NPAS3: variants seen among roughly 807,000 people sequenced by gnomAD.
NPAS3 encodes the protein neuronal PAS domain-containing protein 3.
NPAS3 carries 14 observed loss-of-function variants against 73.1 expected under a neutral mutation model. The observed-to-expected ratio is 0.19, with a 90% confidence interval of 0.13 to 0.30. The LOEUF (loss-of-function observed/expected upper bound fraction) is 0.30, where lower values mean the gene tolerates loss of function less well. Among genes scored for constraint, NPAS3 ranks in the 10% least tolerant of loss-of-function variants. The pLI is 1.00. For missense variants in NPAS3, 1,096 were observed against 1,250.0 expected (o/e 0.88, Z 1.86); for synonymous variants, 620 against 541.5 (o/e 1.14, Z -2.01).
intron 2 of NPAS3, among the ~76,000 whole-genome samples, chr14:33,194,191 T>A (rs979470292): frequency 1.3e-5 from 2 of 152,222 alleles, no homozygotes; most frequent in African/African-American, 4.8e-5. Context: ...CTATTTCCTG[T>A]AAGTTAACCA....
chr14:33,457,049 C>T (rs1442214651), intron 4 of NPAS3, among the ~76,000 whole-genome samples: 2 of 152,202 alleles, frequency 1.3e-5, no homozygotes, highest in African/African-American at 4.8e-5. Flanking sequence ...GATGCCTTCC[C>T]TGGCTGTGTC....
intron 4 of NPAS3, among the ~76,000 whole-genome samples, chr14:33,549,799 A>G (rs1475215487): frequency 1.3e-5 from 2 of 151,910 alleles, no homozygotes; most frequent in Non-Finnish European, 2.9e-5. Flanking sequence ...CTTCATTCCC[A>G]TGATTCCTGT....
chr14:33,519,536 G>A (rs2053464092), intron 4 of NPAS3, among the ~76,000 whole-genome samples: 1 of 152,080 alleles, frequency 6.6e-6, no homozygotes, highest in Non-Finnish European at 1.5e-5. Flanking sequence ...GCCAAATCAG[G>A]GTTTGCTGCG....
chr14:33,000,162 G>GTTTTATTTTTAT (rs77320106), intron 1 of NPAS3, among the ~76,000 whole-genome samples: 5 of 151,278 alleles, frequency 3.3e-5, no homozygotes, highest in African/African-American at 7.4e-5. Flanking sequence ...TAAATAAAAT[G>GTTTTATTTTTAT]TTTTATTTTT....
chr14:33,581,289 T>G (rs796442004), intron 5 of NPAS3, among the ~76,000 whole-genome samples: 1 of 152,176 alleles, frequency 6.6e-6, no homozygotes, highest in South Asian at 2.1e-4. Context: ...TTTAGAAAAG[T>G]AAAAATTTGT....
intron 6 of NPAS3, among the ~76,000 whole-genome samples, chr14:33,726,915 G>C (rs2061283307): frequency 6.6e-6 from 1 of 152,166 alleles, no homozygotes; most frequent in Non-Finnish European, 1.5e-5. Flanking sequence ...TGCACGTGGA[G>C]AGTGACACTT....
intron 3 of NPAS3, among the ~76,000 whole-genome samples, chr14:33,252,587 C>G (rs552500098): frequency 6.6e-6 from 1 of 151,744 alleles, no homozygotes; most frequent in South Asian, 2.1e-4. Context: ...CAATCTTCAC[C>G]TTACTTTTCA....
At chr14:33,028,493 C>A (rs2039882281) in intron 1 of NPAS3, among the ~76,000 whole-genome samples, 1 of 152,214 alleles carries the variant, frequency 6.6e-6, no homozygotes, top group African/African-American at 2.4e-5. Flanking sequence ...AGACATTATT[C>A]TCCTGCTACT....
chr14:33,460,690 A>G (rs2050221369), intron 4 of NPAS3, among the ~76,000 whole-genome samples: 1 of 152,166 alleles, frequency 6.6e-6, no homozygotes, highest in Admixed American at 6.5e-5. Context: ...CTTCTACTTT[A>G]GCAATTCCTT....
intron 4 of NPAS3, among the ~76,000 whole-genome samples, chr14:33,527,630 A>C (rs1162054535): frequency 2.0e-5 from 3 of 152,176 alleles, no homozygotes; most frequent in Non-Finnish European, 2.9e-5. Flanking sequence ...GTCACATCTC[A>C]TGTGAAAATC....
chr14:33,328,497 C>T (rs199594135), intron 3 of NPAS3, among the ~76,000 whole-genome samples: 41 of 95,682 alleles, frequency 4.3e-4, no homozygotes, highest in African/African-American at 8.3e-4. Flanking sequence ...GACAGAGTCT[C>T]GCTCTGTCAC....
chr14:33,173,170 G>T (rs899176446), intron 2 of NPAS3, among the ~76,000 whole-genome samples: 2 of 152,082 alleles, frequency 1.3e-5, no homozygotes, highest in Non-Finnish European at 2.9e-5. Context: ...AAATCATTAG[G>T]TTGCATTTTA....
chr14:33,699,744 A>AT (rs202053209), intron 6 of NPAS3, among the ~76,000 whole-genome samples: 6 of 151,706 alleles, frequency 4.0e-5, no homozygotes, highest in South Asian at 2.1e-4. Context: ...AGTCAAAGAC[A>AT]TTTTTTTTTA....
chr14:33,801,195 T>C, downstream of NPAS3: 1 of 1,509,208 alleles, frequency 6.6e-7, no homozygotes, highest in Non-Finnish European at 8.8e-7. Context: ...TCTAGCACTT[T>C]GAATTCGAGC....
At chr14:33,603,119 A>ATT (rs1364816375) in intron 5 of NPAS3, among the ~76,000 whole-genome samples, 1 of 152,228 alleles carries the variant, frequency 6.6e-6, no homozygotes, top group Non-Finnish European at 1.5e-5. Flanking sequence ...ACTTGTTATT[A>ATT]TTACTACATT....
chr14:33,604,384 T>C (rs1329135175), intron 5 of NPAS3, among the ~76,000 whole-genome samples: 7 of 152,146 alleles, frequency 4.6e-5, no homozygotes, highest in Non-Finnish European at 1.5e-5. Flanking sequence ...ACAAAGTAGA[T>C]TTCAGATCAA....
At chr14:33,509,700 C>G (rs1407934335) in intron 4 of NPAS3, among the ~76,000 whole-genome samples, 2 of 151,926 alleles carry the variant, frequency 1.3e-5, no homozygotes, top group Non-Finnish European at 2.9e-5. Flanking sequence ...TCCAGTTACT[C>G]TGGTCTTCAG....
At chr14:33,745,680 T>G (rs1413503941) in intron 7 of NPAS3, among the ~76,000 whole-genome samples, 1 of 152,220 alleles carries the variant, frequency 6.6e-6, no homozygotes, top group Non-Finnish European at 1.5e-5. Flanking sequence ...AAGTAGTAAT[T>G]CATCAGTAAT....
chr14:33,496,417 A>G (rs2052191932), intron 4 of NPAS3, among the ~76,000 whole-genome samples: 1 of 152,074 alleles, frequency 6.6e-6, no homozygotes, highest in Admixed American at 6.6e-5. Flanking sequence ...TCAGGCCAAA[A>G]ATATCCCTGA....
Sources: gnomAD v4.1 joint callset for allele counts (sites outside exome capture counted in the v4.1 genomes callset) on GRCh38, gnomAD v4.1.1 for gene constraint, MANE v1.5 for transcripts, NCBI Gene and HGNC (gene_info 2026-07-23, HGNC 2026-07-21) for gene names.